The following ZNF208 variants were observed in gnomAD, a reference collection of about 807,000 sequenced individuals.
ZNF208 encodes the protein zinc finger protein 95.
In ZNF208, 10 loss-of-function variants were observed where a neutral mutation model predicts 12.1. The ratio of observed to expected loss-of-function variants is 0.83; its 90% confidence interval spans 0.51 to 1.40. ZNF208 has a LOEUF of 1.40. Ranked by LOEUF, ZNF208 falls within the 40% of genes most tolerant of loss-of-function variation. ZNF208 has a pLI of 0.00. For synonymous variants in ZNF208, 497 were observed against 488.4 expected, an observed-to-expected ratio of 1.02 and a Z score of -0.23; for missense variants, 1,652 against 1,485.0, an observed-to-expected ratio of 1.11 and a Z score of -1.85.
intron 3 of ZNF208, among the ~76,000 whole-genome samples, chr19:21,983,280 A>T (rs1372287459): frequency 1.3e-5 from 2 of 152,252 alleles, no homozygotes; most frequent in African/African-American, 4.8e-5. Flanking sequence ...GTCATTAGAG[A>T]AATGCAAATC....
chr19:22,010,549 G>GC (rs1013390907), intron 1 of ZNF208, among the ~76,000 whole-genome samples: 1 of 152,212 alleles, frequency 6.6e-6, no homozygotes, highest in Non-Finnish European at 1.5e-5. Context: ...GTGCAGAGCG[G>GC]CCCCAAGAGG....
chr19:21,947,792 A>T (rs1324465949), intron 4 of ZNF208, among the ~76,000 whole-genome samples: 1 of 152,176 alleles, frequency 6.6e-6, no homozygotes, highest in Non-Finnish European at 1.5e-5. Flanking sequence ...GGGAAGCCAA[A>T]AATGGTATTA....
intron 4 of ZNF208, among the ~76,000 whole-genome samples, chr19:21,960,887 A>T (rs1206753450): frequency 2.0e-5 from 3 of 152,186 alleles, no homozygotes; most frequent in African/African-American, 7.2e-5. Flanking sequence ...TTTAAACACA[A>T]ATGCAGAAAA....
intron 1 of ZNF208, among the ~76,000 whole-genome samples, chr19:22,002,750 T>C (rs117156622): frequency 0.012 from 1,811 of 152,260 alleles, 19 homozygotes; most frequent in Non-Finnish European, 0.02. Context: ...AAGATCACTA[T>C]CATAAAAATG....
At chr19:21,949,215 C>T (rs533607484) in intron 4 of ZNF208, among the ~76,000 whole-genome samples, 1 of 152,260 alleles carries the variant, frequency 6.6e-6, no homozygotes, top group African/African-American at 2.4e-5. Context: ...GTTTTGTCAT[C>T]CTTAAGTTGA....
chr19:21,980,777 G>A (rs1258965076), intron 3 of ZNF208, among the ~76,000 whole-genome samples: 1 of 152,050 alleles, frequency 6.6e-6, no homozygotes, highest in Non-Finnish European at 1.5e-5. Context: ...GAATCCAGGA[G>A]CTGGTTTTTT....
At chr19:21,989,431 C>A (rs1383355398) in intron 1 of ZNF208, among the ~76,000 whole-genome samples, 3 of 151,992 alleles carry the variant, frequency 2.0e-5, no homozygotes, top group Non-Finnish European at 4.4e-5. Context: ...TTTATGGCTG[C>A]ATAGTATTCC....
chr19:21,996,924 A>G (rs1970846446), intron 1 of ZNF208, among the ~76,000 whole-genome samples: 1 of 152,202 alleles, frequency 6.6e-6, no homozygotes, highest in Admixed American at 6.5e-5. Context: ...TTCCACCTGC[A>G]TATTTAGGGT....
intron 3 of ZNF208, 69 bp downstream of exon 3, chr19:21,987,147 C>T (rs1970641122): frequency 6.7e-7 from 1 of 1,502,524 alleles, no homozygotes; most frequent in African/African-American, 1.4e-5. Context: ...TCCAGAATCA[C>T]TTTAAGGACT....
intron 4 of ZNF208, chr19:21,941,396 C>G: frequency 2.5e-6 from 1 of 398,984 alleles, no homozygotes; most frequent in Non-Finnish European, 4.4e-6. Flanking sequence ...AAGGTGCTGA[C>G]GATTCTGGTC....
intron 4 of ZNF208, among the ~76,000 whole-genome samples, chr19:21,944,681 G>A (rs1969789900): frequency 6.6e-6 from 1 of 152,026 alleles, no homozygotes; most frequent in South Asian, 2.1e-4. Flanking sequence ...ATTGTTTCCC[G>A]GGCACACAGC....
chr19:21,998,787 C>T (rs1293082925), intron 1 of ZNF208: 1 of 152,200 alleles, frequency 6.6e-6, no homozygotes, highest in South Asian at 2.1e-4. Context: ...TCTCTTATTT[C>T]CTAACCATTG....
chr19:21,987,435 A>G (rs1970647725), intron 2 of ZNF208, 124 bp from the exon 3 acceptor site: 3 of 1,073,384 alleles, frequency 2.8e-6, no homozygotes, highest in African/African-American at 1.7e-5. Context: ...ATACTAAATT[A>G]TAATAAGTTG....
chr19:21,964,570 C>A (rs1970132082), downstream of ZNF208, among the ~76,000 whole-genome samples: 1 of 151,752 alleles, frequency 6.6e-6, no homozygotes, highest in African/African-American at 2.4e-5. Context: ...GACAGACACT[C>A]CGCATTTAAC....
rs1334478603 is a variant in ZNF208, at chr19:21,974,644, A to G, written c.390T>C (p.Tyr130=). ...VDECKVHKEG[Y]NKLNQSLTTT... ...TTGTCAAACTCTGGTTAAGTTTATT[A>G]TAACCTTCTTTGTGCACCTTACACT... is the stretch of plus-strand genomic sequence containing the variant. The change falls in exon 4 of 4, where the codon TAT becomes TAC. Residue 130 remains tyrosine, a synonymous_variant. Transcript: ENST00000397126. The G allele has an allele frequency of 1.2e-6, 2 of 1,613,768 alleles. No individual in the cohort carries two copies. Among genetic ancestry groups the G allele is most frequent in the Non-Finnish European group, 1.7e-6 (2 of 1,179,794 alleles).
chr19:21,960,154 A>G (rs1970040404), intron 4 of ZNF208, among the ~76,000 whole-genome samples: 1 of 152,086 alleles, frequency 6.6e-6, no homozygotes, highest in Non-Finnish European at 1.5e-5. Context: ...TGGGAGAGAA[A>G]ATGATTACCA....
At chr19:21,998,087 CA>C in intron 1 of ZNF208, 1 of 149,430 alleles carries the variant, frequency 6.7e-6, no homozygotes, top group Non-Finnish European at 1.5e-5. Flanking sequence ...GAAACATGAG[CA>C]TTATTGAATA....
At chr19:21,991,798 G>T (rs1410099211) in intron 1 of ZNF208, 1 of 150,438 alleles carries the variant, frequency 6.6e-6, no homozygotes, top group African/African-American at 2.5e-5. Context: ...ACATAGTTTT[G>T]TGTATTATTC....
At chr19:21,946,020 C>T (rs1969810939) in intron 4 of ZNF208, among the ~76,000 whole-genome samples, 1 of 152,192 alleles carries the variant, frequency 6.6e-6, no homozygotes, top group Admixed American at 6.5e-5. Flanking sequence ...TAAAAATTTG[C>T]ACACACCTCT....
Sources: allele counts gnomAD v4.1 joint callset (sites outside exome capture counted in the v4.1 genomes callset), GRCh38; gene constraint gnomAD v4.1.1; transcripts MANE v1.5; gene names NCBI Gene and HGNC (gene_info 2026-07-23, HGNC 2026-07-21).